ST18: variants seen among roughly 807,000 people sequenced by gnomAD.
The protein encoded by ST18 is suppression of tumorigenicity 18 protein.
In ST18, 50 loss-of-function variants were observed where a neutral mutation model predicts 110.0. The ratio of observed to expected loss-of-function variants is 0.45; its 90% CI spans 0.36 to 0.58. ST18 has a LOEUF of 0.58. ST18 is among the 20% of genes least tolerant of loss of function. The pLI is 0.00. For synonymous variants in ST18, 461 were observed against 452.4 expected, an observed-to-expected ratio of 1.02 and a Z score of -0.24; for missense variants, 1,306 against 1,280.1, an observed-to-expected ratio of 1.02 and a Z score of -0.31.
At chr8:52,397,525 C>T (rs932691258) in intron 2 of ST18, among the ~76,000 whole-genome samples, 5 of 152,086 alleles carry the variant, frequency 3.3e-5, no homozygotes, top group African/African-American at 1.2e-4. Flanking sequence ...AAAAAAATTG[C>T]AGCCAAGACC....
At chr8:52,133,422 T>C (rs2050591003) in intron 19 of ST18, 121 bp from the exon 20 acceptor site, 1 of 1,181,748 alleles carries the variant, frequency 8.5e-7, no homozygotes, top group African/African-American at 1.5e-5. Context: ...GTAGTTCACG[T>C]GGAGGGAGGC....
At chr8:52,244,762 C>G (rs1210507942) in intron 2 of ST18, among the ~76,000 whole-genome samples, 1 of 152,118 alleles carries the variant, frequency 6.6e-6, no homozygotes, top group African/African-American at 2.4e-5. Context: ...TTTAACCATG[C>G]CTGCCAAACC....
intron 9 of ST18, among the ~76,000 whole-genome samples, chr8:52,174,840 C>T (rs528922262): frequency 6.6e-6 from 1 of 152,204 alleles, no homozygotes; most frequent in Non-Finnish European, 1.5e-5. Context: ...ATTCCACCCC[C>T]CTCCCAGGCT....
At chr8:52,270,013 G>A (rs1051331605) in intron 2 of ST18, among the ~76,000 whole-genome samples, 3 of 136,476 alleles carry the variant, frequency 2.2e-5, no homozygotes, top group East Asian at 3.9e-4. Flanking sequence ...TTTTTCCCCC[G>A]TAACTGATCT....
intron 2 of ST18, among the ~76,000 whole-genome samples, chr8:52,397,145 A>C (rs1841426841): frequency 6.6e-6 from 1 of 152,156 alleles, no homozygotes; most frequent in South Asian, 2.1e-4. Flanking sequence ...ACCAACATTT[A>C]TCTCTGTCTT....
At chr8:52,294,473 G>A (rs1263861039) in intron 2 of ST18, 1 of 152,274 alleles carries the variant, frequency 6.6e-6, no homozygotes. Context: ...GGAACTTCCT[G>A]TTCTAGGACA....
intron 16 of ST18, among the ~76,000 whole-genome samples, chr8:52,145,703 A>C (rs554372069): frequency 1.3e-5 from 2 of 152,220 alleles, no homozygotes; most frequent in Non-Finnish European, 2.9e-5. Context: ...TTTAGAGAGT[A>C]CATGCATGCA....
chr8:52,234,562 C>G (rs1462771498), intron 2 of ST18, among the ~76,000 whole-genome samples: 2 of 152,106 alleles, frequency 1.3e-5, no homozygotes, highest in Non-Finnish European at 2.9e-5. Context: ...CCAGAACTAC[C>G]ATTTGATACA....
chr8:52,332,897 C>G (rs1810267150), intron 2 of ST18, among the ~76,000 whole-genome samples: 1 of 152,082 alleles, frequency 6.6e-6, no homozygotes, highest in South Asian at 2.1e-4. Flanking sequence ...TGGGTCCTGC[C>G]TATGCACAAG....
intron 8 of ST18, among the ~76,000 whole-genome samples, chr8:52,185,279 CTAAA>C (rs1212823751): frequency 3.9e-5 from 6 of 152,098 alleles, no homozygotes; most frequent in African/African-American, 1.2e-4. Flanking sequence ...TAGTGAAGGC[CTAAA>C]TAAATAGAGA....
At chr8:52,136,039 T>C (rs536947857) in intron 19 of ST18, among the ~76,000 whole-genome samples, 137 of 152,244 alleles carry the variant, frequency 9.0e-4, no homozygotes, top group African/African-American at 3.0e-3. Flanking sequence ...TAATAAGATA[T>C]GAAAATAAAC....
intron 2 of ST18, among the ~76,000 whole-genome samples, chr8:52,293,142 A>G (rs1470437897): frequency 6.6e-6 from 1 of 152,234 alleles, no homozygotes; most frequent in Non-Finnish European, 1.5e-5. Flanking sequence ...ATTCTCCAAC[A>G]TGACATAGGA....
chr8:52,221,485 T>G (rs1232200652), intron 4 of ST18, among the ~76,000 whole-genome samples, 155 bp downstream of exon 4: 6 of 152,158 alleles, frequency 3.9e-5, no homozygotes, highest in Non-Finnish European at 2.9e-5. Flanking sequence ...TCAGTTTTCA[T>G]CAGGCTATTT....
At chr8:52,378,800 T>G (rs1833387331) in intron 2 of ST18, among the ~76,000 whole-genome samples, 1 of 152,204 alleles carries the variant, frequency 6.6e-6, no homozygotes, top group Admixed American at 6.5e-5. Flanking sequence ...TTCCCATTCA[T>G]TTTTCAAGGA....
At chr8:52,335,423 T>C (rs1811580191) in intron 2 of ST18, among the ~76,000 whole-genome samples, 2 of 152,164 alleles carry the variant, frequency 1.3e-5, no homozygotes, top group African/African-American at 2.4e-5. Flanking sequence ...TCCAAAATGG[T>C]TGGGACCAGA....
At chr8:52,125,683 T>G (rs1306173361) in intron 23 of ST18, among the ~76,000 whole-genome samples, 1 of 150,500 alleles carries the variant, frequency 6.6e-6, no homozygotes, top group Non-Finnish European at 1.5e-5. Context: ...AGAGATGGGG[T>G]CTGGCTATGT....
intron 19 of ST18, 93 bp downstream of exon 19, chr8:52,136,497 T>C: frequency 5.5e-6 from 7 of 1,276,678 alleles, no homozygotes; most frequent in Non-Finnish European, 5.6e-6. Context: ...GACATACTGC[T>C]TGTTGCTGAT....
At chr8:52,138,801 A>T (rs1031651801) in intron 17 of ST18, among the ~76,000 whole-genome samples, 6 of 152,182 alleles carry the variant, frequency 3.9e-5, no homozygotes, top group African/African-American at 7.2e-5. Context: ...CACGCATCTG[A>T]TCTTTTTTTG....
chr8:52,280,647 T>C (rs1461698685), intron 2 of ST18, among the ~76,000 whole-genome samples: 1 of 152,116 alleles, frequency 6.6e-6, no homozygotes, highest in Non-Finnish European at 1.5e-5. Context: ...TAAGTTATTT[T>C]ATAATGACAA....
Sources: allele counts gnomAD v4.1 joint callset (sites outside exome capture counted in the v4.1 genomes callset), GRCh38; gene constraint gnomAD v4.1.1; transcripts MANE v1.5; gene names NCBI Gene and HGNC (gene_info 2026-07-23, HGNC 2026-07-21).